The following IGSF11 variants were observed in gnomAD, a reference collection of about 807,000 sequenced individuals.
IGSF11 encodes immunoglobulin superfamily member 11.
In IGSF11, 22 loss-of-function variants were observed where a neutral mutation model predicts 41.0. The ratio of observed to expected loss-of-function variants is 0.54; its 90% CI spans 0.38 to 0.77. The LOEUF is 0.77. Ranked by LOEUF, IGSF11 falls within the 30% of genes least tolerant of loss-of-function variation. The pLI, the probability that IGSF11 is intolerant of heterozygous loss-of-function variation, is 0.00. For missense variants in IGSF11, 444 were observed against 530.8 expected, an observed-to-expected ratio of 0.84 and a Z score of 1.61; for synonymous variants, 219 against 201.3, an observed-to-expected ratio of 1.09 and a Z score of -0.74.
intron 1 of IGSF11, among the ~76,000 whole-genome samples, chr3:118,931,463 T>C (rs1942843446): frequency 6.6e-6 from 1 of 152,204 alleles, no homozygotes; most frequent in South Asian, 2.1e-4. Flanking sequence ...AACAGAATAC[T>C]GTTCAGAAAC....
chr3:118,944,820 A>G (rs1398417086), intron 1 of IGSF11: 2 of 152,212 alleles, frequency 1.3e-5, no homozygotes, highest in Non-Finnish European at 2.9e-5. Flanking sequence ...TTAGTAACAA[A>G]CAAGACTTGG....
At chr3:118,998,459 C>T (rs1418567165) in intron 1 of IGSF11, among the ~76,000 whole-genome samples, 3 of 151,504 alleles carry the variant, frequency 2.0e-5, no homozygotes, top group Non-Finnish European at 4.4e-5. Flanking sequence ...GTCTCCAATA[C>T]TTCAAAATCC....
In IGSF11 at chr3:119,139,836, G is replaced by T. The variant is rs79719645; in HGVS notation, c.-14+5977C>A. Among the ~76,000 whole-genome samples, 111 of 152,280 alleles carry T rather than the reference G, an allele frequency of 7.3e-4. 2 individuals are homozygous for T. The East Asian group carries it at 0.021, about 29-fold the overall frequency. ...TGTGAATGGGTTTATAATCTGTAAA[G>T]ATGTAATTTGTATGAAAATAATAAT... is the stretch of plus-strand genomic sequence containing the variant. On this transcript the variant is annotated intron_variant, in intron 1 of 7. Coordinates refer to the IGSF11 transcript ENST00000425327.
chr3:118,978,812 T>C (rs1476218541), intron 1 of IGSF11, among the ~76,000 whole-genome samples: 17 of 152,098 alleles, frequency 1.1e-4, no homozygotes, highest in Non-Finnish European at 2.5e-4. Context: ...ATCACAAAAT[T>C]GGAAGAAGCA....
At position 118,961,271 on chromosome 3, in the gene IGSF11, C is replaced by T. The variant is rs113875853; in HGVS notation, c.53-30996G>A. 8.5e-3 allele frequency among the ~76,000 whole-genome samples: 1,288 copies of T among 152,282 alleles called. 26 individuals carry two copies. Among genetic ancestry groups the T allele is most frequent in the African/African-American group, 0.03 (1,226 of 41,554 alleles). ...AACTTGCGGGCACCTGCACTGTGGT[C>T]GTAGACAGTTGACTCTGCTAACAAA... On this transcript the variant is annotated intron_variant, in intron 1 of 6. Coordinates refer to ENST00000393775, the MANE Select transcript of IGSF11 (RefSeq NM_001015887.3).
intron 4 of IGSF11, among the ~76,000 whole-genome samples, chr3:118,912,457 G>A (rs1369990446): frequency 6.6e-6 from 1 of 152,108 alleles, no homozygotes; most frequent in Non-Finnish European, 1.5e-5. Context: ...ATCCCGTGTT[G>A]CCTCACATCT....
chr3:118,952,556 C>G (rs1944652305), intron 1 of IGSF11, among the ~76,000 whole-genome samples: 1 of 152,112 alleles, frequency 6.6e-6, no homozygotes, highest in Non-Finnish European at 1.5e-5. Flanking sequence ...AACTTCTTAT[C>G]TGTTAAAGTT....
At chr3:118,930,458 T>C (rs1009641833) in intron 1 of IGSF11, among the ~76,000 whole-genome samples, 183 bp from the exon 2 acceptor site, 11 of 152,362 alleles carry the variant, frequency 7.2e-5, no homozygotes, top group Admixed American at 6.5e-4. Flanking sequence ...TTCATCCCTT[T>C]ACCTCCTGAA....
upstream of IGSF11, among the ~76,000 whole-genome samples, chr3:119,036,126 T>C (rs1212284284): frequency 6.6e-6 from 1 of 152,238 alleles, no homozygotes. Context: ...TAAGAAATGT[T>C]AATAACTTTT....
intron 1 of IGSF11, among the ~76,000 whole-genome samples, chr3:119,069,234 G>T (rs755631319): frequency 1.1e-4 from 16 of 151,852 alleles, no homozygotes; most frequent in Non-Finnish European, 1.9e-4. Context: ...GGCCAACAAT[G>T]GTTATTTTCC....
At chr3:119,032,971 A>T (rs891361276) in intron 1 of IGSF11, among the ~76,000 whole-genome samples, 1 of 152,216 alleles carries the variant, frequency 6.6e-6, no homozygotes, top group Non-Finnish European at 1.5e-5. Flanking sequence ...GCCTCTACAT[A>T]ACAGGTTATT....
intron 1 of IGSF11, among the ~76,000 whole-genome samples, chr3:119,082,201 A>G (rs932315366): frequency 6.6e-6 from 1 of 152,184 alleles, no homozygotes; most frequent in African/African-American, 2.4e-5. Flanking sequence ...CAAAAAGTAA[A>G]ATCAATACAA....
intron 1 of IGSF11, among the ~76,000 whole-genome samples, chr3:119,050,981 C>G (rs552862007): frequency 7.3e-4 from 89 of 122,328 alleles, no homozygotes; most frequent in African/African-American, 2.8e-3. Flanking sequence ...GAACATCACA[C>G]TCTGGGGAGT....
At chr3:118,945,865 T>A (rs1256640699) in intron 1 of IGSF11, 1 of 152,214 alleles carries the variant, frequency 6.6e-6, no homozygotes, top group African/African-American at 2.4e-5. Flanking sequence ...GTTCTGTGCC[T>A]AGATTAAAAT....
At chr3:118,914,054 G>C (rs1180269147) in intron 4 of IGSF11, among the ~76,000 whole-genome samples, 1 of 152,068 alleles carries the variant, frequency 6.6e-6, no homozygotes, top group African/African-American at 2.4e-5. Flanking sequence ...ATAGAGAGTA[G>C]AGTTTTTTTT....
intron 1 of IGSF11, among the ~76,000 whole-genome samples, chr3:118,996,670 G>A (rs950480488): frequency 6.6e-6 from 1 of 151,888 alleles, no homozygotes; most frequent in Admixed American, 6.6e-5. Context: ...TGCGATCTCG[G>A]CTCACTGCAA....
chr3:118,949,610 A>G (rs1944426546), intron 1 of IGSF11, among the ~76,000 whole-genome samples: 1 of 152,216 alleles, frequency 6.6e-6, no homozygotes, highest in Non-Finnish European at 1.5e-5. Context: ...GGCTCTAAGC[A>G]GTTTCACTTT....
chr3:119,087,441 C>T (rs941361419), intron 1 of IGSF11, among the ~76,000 whole-genome samples: 1 of 150,590 alleles, frequency 6.6e-6, no homozygotes, highest in African/African-American at 2.4e-5. Flanking sequence ...TACTACTAAC[C>T]CATAAAAAGG....
chr3:118,967,102 C>CTA (rs1387127537), intron 1 of IGSF11, among the ~76,000 whole-genome samples: 1 of 151,920 alleles, frequency 6.6e-6, no homozygotes, highest in Non-Finnish European at 1.5e-5. Context: ...GTGAGATAAG[C>CTA]TATAAAAGGT....
Sources: allele counts gnomAD v4.1 joint callset (sites outside exome capture counted in the v4.1 genomes callset), GRCh38; gene constraint gnomAD v4.1.1; transcripts MANE v1.5; gene names NCBI Gene and HGNC (gene_info 2026-07-23, HGNC 2026-07-21).